AUTS2: variants seen among roughly 807,000 people sequenced by gnomAD.
AUTS2 encodes activator of transcription and developmental regulator AUTS2, also known as autism susceptibility gene 2 protein.
In AUTS2, 17 loss-of-function variants were observed where a neutral mutation model predicts 112.4. The observed-to-expected ratio is 0.15, with a 90% CI of 0.10 to 0.23. The LOEUF (loss-of-function observed/expected upper bound fraction) is 0.23, where lower values mean the gene tolerates loss of function less well. AUTS2 is among the 10% of genes least tolerant of loss of function. The probability of loss-of-function intolerance (pLI) is 1.00; values close to 1 mark genes in which losing one functional copy is unlikely to be tolerated. For synonymous variants in AUTS2, 751 were observed against 702.7 expected (o/e 1.07, Z -1.09); for missense variants, 1,510 against 1,701.6 (o/e 0.89, Z 1.98).
intron 5 of AUTS2, among the ~76,000 whole-genome samples, chr7:70,604,294 G>A (rs1385738075): frequency 6.6e-6 from 1 of 152,214 alleles, no homozygotes; most frequent in African/African-American, 2.4e-5. Context: ...GCTGGGGTGG[G>A]CCGAGAGCAA....
At chr7:70,310,392 T>C (rs902787325) in intron 4 of AUTS2, among the ~76,000 whole-genome samples, 4 of 152,026 alleles carry the variant, frequency 2.6e-5, no homozygotes, top group East Asian at 1.9e-4. Flanking sequence ...GGGCGGATCA[T>C]GAGGTCAGGA....
At chr7:69,915,188 C>A (rs529349067) in intron 2 of AUTS2, among the ~76,000 whole-genome samples, 1 of 152,306 alleles carries the variant, frequency 6.6e-6, no homozygotes, top group East Asian at 1.9e-4. Context: ...AGAGGGAATA[C>A]CTTCAGAGAT....
At chr7:69,739,384 A>G (rs775958468) in intron 1 of AUTS2, among the ~76,000 whole-genome samples, 1 of 152,136 alleles carries the variant, frequency 6.6e-6, no homozygotes, top group Non-Finnish European at 1.5e-5. Context: ...CCCACCTCTG[A>G]GTCATTCCGC....
chr7:70,081,387 T>TAAAA (rs57155688), intron 2 of AUTS2, among the ~76,000 whole-genome samples: 6 of 88,942 alleles, frequency 6.7e-5, no homozygotes, highest in Admixed American at 2.6e-4. Flanking sequence ...CCCGTCTCTA[T>TAAAA]AAAAAAAAAA....
intron 2 of AUTS2, among the ~76,000 whole-genome samples, chr7:69,901,559 G>C (rs889990720): frequency 6.6e-6 from 1 of 152,078 alleles, no homozygotes; most frequent in Non-Finnish European, 1.5e-5. Context: ...TTGTACTAAT[G>C]GTATTTGAAA....
At chr7:69,771,249 T>C (rs210603) in intron 1 of AUTS2, among the ~76,000 whole-genome samples, 43,280 of 152,212 alleles carry the variant, frequency 0.28, 6,229 homozygotes, top group Middle Eastern at 0.34. Context: ...TGCCTTTCCA[T>C]TGACCTACTT....
chr7:69,760,719 G>A (rs1379598687), intron 1 of AUTS2, among the ~76,000 whole-genome samples: 4 of 152,160 alleles, frequency 2.6e-5, no homozygotes, highest in Non-Finnish European at 5.9e-5. Flanking sequence ...TACTCAGGAG[G>A]CTGAGGCAGG....
intron 5 of AUTS2, among the ~76,000 whole-genome samples, chr7:70,457,485 C>G (rs139060763): frequency 6.6e-6 from 1 of 152,154 alleles, no homozygotes; most frequent in Admixed American, 6.5e-5. Flanking sequence ...CTGAATCCAC[C>G]AGGAAACCCA....
At chr7:70,568,815 AT>A (rs1324418352) in intron 5 of AUTS2, among the ~76,000 whole-genome samples, 2 of 152,230 alleles carry the variant, frequency 1.3e-5, no homozygotes, top group Non-Finnish European at 2.9e-5. Context: ...CCAGTGTTCC[AT>A]TTGTGTGTTT....
At chr7:70,197,393 C>A (rs1229127709) in intron 4 of AUTS2, among the ~76,000 whole-genome samples, 1 of 151,216 alleles carries the variant, frequency 6.6e-6, no homozygotes, top group Non-Finnish European at 1.5e-5. Context: ...GTGAGCGACG[C>A]AGAAGACGGG....
At chr7:70,729,455 A>G (rs73706458) in intron 6 of AUTS2, among the ~76,000 whole-genome samples, 11 of 152,132 alleles carry the variant, frequency 7.2e-5, no homozygotes, top group Non-Finnish European at 5.9e-5. Context: ...TGGAATCCCC[A>G]GGGGGGCTTC....
intron 1 of AUTS2, among the ~76,000 whole-genome samples, chr7:69,659,933 G>A (rs1584024913): frequency 6.6e-6 from 1 of 152,020 alleles, no homozygotes; most frequent in African/African-American, 2.4e-5. Context: ...GCCCTTAGTT[G>A]TTAACCCTTT....
intron 2 of AUTS2, among the ~76,000 whole-genome samples, chr7:70,028,696 C>G (rs1800635368): frequency 6.6e-6 from 1 of 152,156 alleles, no homozygotes; most frequent in Non-Finnish European, 1.5e-5. Flanking sequence ...ATTTTTCTCT[C>G]TCTTTACTAT....
At chr7:69,799,417 C>G (rs887350081) in intron 1 of AUTS2, among the ~76,000 whole-genome samples, 1 of 152,124 alleles carries the variant, frequency 6.6e-6, no homozygotes, top group African/African-American at 2.4e-5. Flanking sequence ...CAATGCCCAG[C>G]AAAGTCTCCA....
At position 69,938,993 on chromosome 7, in the gene AUTS2, A is replaced by G. The variant is rs368774887; in HGVS notation, c.522+39495A>G. 1.4e-4 allele frequency among the ~76,000 whole-genome samples: 22 copies of G among 152,348 alleles called. 1 individual carries two copies. The South Asian group carries it at 3.3e-3, about 23-fold the overall frequency. ...ACTGCTGATCATGTTTTTAACTGCT[A>G]TAGATATATTTGATTTAAGTAAATC... On this transcript the variant is annotated intron_variant, in intron 2 of 18. Transcript: ENST00000342771.
intron 2 of AUTS2, among the ~76,000 whole-genome samples, chr7:69,929,052 A>C (rs1319598393): frequency 1.3e-5 from 2 of 152,154 alleles, no homozygotes; most frequent in African/African-American, 4.8e-5. Context: ...TCTTACTGAG[A>C]GAATTTACTG....
intron 5 of AUTS2, among the ~76,000 whole-genome samples, chr7:70,668,206 G>A (rs550120229): frequency 2.6e-5 from 4 of 152,260 alleles, no homozygotes; most frequent in East Asian, 1.9e-4. Flanking sequence ...CTTGAACTCC[G>A]GACCTCAGAT....
At chr7:70,152,534 C>T (rs1807501090) in intron 4 of AUTS2, among the ~76,000 whole-genome samples, 1 of 151,280 alleles carries the variant, frequency 6.6e-6, no homozygotes, top group African/African-American at 2.4e-5. Flanking sequence ...ATATAACTTT[C>T]AAAAGACATG....
chr7:70,630,903 T>C (rs1805224271), intron 5 of AUTS2, among the ~76,000 whole-genome samples: 1 of 152,200 alleles, frequency 6.6e-6, no homozygotes, highest in Admixed American at 6.5e-5. Flanking sequence ...AAAACCACTC[T>C]GGTATTGTCT....
Sources: gnomAD v4.1 joint callset for allele counts (sites outside exome capture counted in the v4.1 genomes callset) on GRCh38, gnomAD v4.1.1 for gene constraint, MANE v1.5 for transcripts, NCBI Gene and HGNC (gene_info 2026-07-23, HGNC 2026-07-21) for gene names.